CLCN3: variants seen among roughly 807,000 people sequenced by gnomAD.
CLCN3 encodes the protein Cl-/H+ antiporter 3.
A neutral mutation model predicts 83.4 loss-of-function variants in CLCN3; 16 were observed. The ratio of observed to expected loss-of-function variants is 0.19; its 90% confidence interval spans 0.13 to 0.29. CLCN3 has a LOEUF of 0.29. Ranked by LOEUF, CLCN3 falls within the 10% of genes least tolerant of loss-of-function variation. The pLI, the probability that CLCN3 is intolerant of heterozygous loss-of-function variation, is 1.00. For missense variants in CLCN3, 544 were observed against 1,006.0 expected (o/e 0.54, Z 6.21); for synonymous variants, 322 against 346.2 (o/e 0.93, Z 0.78).
At chr4:169,623,441 A>G (rs1046138060) in intron 1 of CLCN3, among the ~76,000 whole-genome samples, 5 of 152,164 alleles carry the variant, frequency 3.3e-5, no homozygotes, top group Admixed American at 6.5e-5. Context: ...GTTTTGATAA[A>G]TGTATATTTT....
chr4:169,663,531 A>G (rs1320173112), intron 2 of CLCN3: 4 of 280,176 alleles, frequency 1.4e-5, no homozygotes, highest in Non-Finnish European at 2.1e-5. Context: ...TTTTAGGGAG[A>G]GTCTCACTAT....
intron 12 of CLCN3, among the ~76,000 whole-genome samples, chr4:169,717,197 C>G (rs1018494147): frequency 6.6e-6 from 1 of 152,266 alleles, no homozygotes; most frequent in East Asian, 1.9e-4. Flanking sequence ...ATTTTATTAG[C>G]TTACTTTAAG....
chr4:169,654,397 C>T (rs1233694083), intron 2 of CLCN3, among the ~76,000 whole-genome samples: 1 of 151,822 alleles, frequency 6.6e-6, no homozygotes, highest in East Asian at 1.9e-4. Flanking sequence ...TTTTCTGTTT[C>T]ATTAATTTCT....
intron 9 of CLCN3, among the ~76,000 whole-genome samples, chr4:169,702,366 A>T (rs563299013): frequency 5.9e-5 from 9 of 152,336 alleles, no homozygotes; most frequent in African/African-American, 1.9e-4. Flanking sequence ...CTTTAAAACA[A>T]CATGAATCTC....
At chr4:169,660,382 TC>T in intron 2 of CLCN3, 1 of 1,416,878 alleles carries the variant, frequency 7.1e-7, no homozygotes, top group Non-Finnish European at 9.1e-7. Context: ...GGATGCTTCT[TC>T]CGACCCTTAT....
chr4:169,649,314 T>C (rs1019646115), intron 2 of CLCN3, among the ~76,000 whole-genome samples: 2 of 152,204 alleles, frequency 1.3e-5, no homozygotes, highest in African/African-American at 4.8e-5. Flanking sequence ...GTAAAGTTTT[T>C]GGTACTTTTC....
At chr4:169,629,180 TATCTTGACTG>T (rs1773305721) in intron 1 of CLCN3, among the ~76,000 whole-genome samples, 1 of 47,248 alleles carries the variant, frequency 2.1e-5, no homozygotes, top group Non-Finnish European at 6.3e-5. Flanking sequence ...GAATATTCTG[TATCTTGACTG>T]TATCAATGTC....
intron 2 of CLCN3, among the ~76,000 whole-genome samples, chr4:169,668,042 C>CGT (rs780656327): frequency 2.1e-5 from 2 of 93,634 alleles, no homozygotes; most frequent in Admixed American, 1.2e-4. Context: ...CCCGGCCAGA[C>CGT]ATTTTTTTTT....
At chr4:169,644,522 G>A (rs1397594098) in intron 2 of CLCN3, among the ~76,000 whole-genome samples, 2 of 152,092 alleles carry the variant, frequency 1.3e-5, no homozygotes, top group African/African-American at 2.4e-5. Flanking sequence ...GATTACAGGC[G>A]TGAGCCACCG....
At chr4:169,659,513 C>A (rs1487530243) in intron 2 of CLCN3, among the ~76,000 whole-genome samples, 1 of 152,000 alleles carries the variant, frequency 6.6e-6, no homozygotes, top group African/African-American at 2.4e-5. Context: ...CTCTTTTTTG[C>A]GTAGTTTAGA....
chr4:169,641,302 A>T (rs1265892744), intron 2 of CLCN3, among the ~76,000 whole-genome samples: 1 of 152,180 alleles, frequency 6.6e-6, no homozygotes, highest in African/African-American at 2.4e-5. Context: ...ACTAAAATGC[A>T]AATGTGAGGT....
chr4:169,660,150 A>AT, intron 2 of CLCN3: 1 of 1,122,658 alleles, frequency 8.9e-7, no homozygotes, highest in Non-Finnish European at 1.1e-6. Context: ...GCCTTGCTAG[A>AT]TTGTAGCCAC....
At chr4:169,639,216 A>G (rs2150204858) in intron 2 of CLCN3, among the ~76,000 whole-genome samples, 1 of 152,238 alleles carries the variant, frequency 6.6e-6, no homozygotes, top group East Asian at 1.9e-4. Flanking sequence ...ATTTTTTGTA[A>G]CAATGGGGTC....
At chr4:169,699,064 C>A (rs991860519) in intron 9 of CLCN3, among the ~76,000 whole-genome samples, 3 of 152,158 alleles carry the variant, frequency 2.0e-5, no homozygotes, top group African/African-American at 7.2e-5. Flanking sequence ...TCGAAACTTT[C>A]TTTCTGCCAC....
chr4:169,647,369 G>A (rs376348372), intron 2 of CLCN3, among the ~76,000 whole-genome samples: 1 of 152,100 alleles, frequency 6.6e-6, no homozygotes, highest in East Asian at 1.9e-4. Context: ...CAGCCTGGGT[G>A]ACAGAGCAAG....
intron 12 of CLCN3, chr4:169,717,667 T>C (rs1438822977): frequency 5.7e-6 from 3 of 527,438 alleles, no homozygotes; most frequent in Non-Finnish European, 9.9e-6. Flanking sequence ...TTTTATTTTC[T>C]AAAGTTCATG....
At position 169,695,639 on chromosome 4, in the gene CLCN3, G is replaced by A. The variant is rs759279829; in HGVS notation, c.964G>A (p.Val322Ile). 6.2e-7 allele frequency: 1 copy of A among 1,613,592 alleles called. No homozygotes were observed. The highest frequency in any genetic ancestry group is 2.2e-5 in the East Asian group (1 of 44,818). The change falls in exon 8 of 13, where the codon GTT becomes ATT. Residue 322 changes from valine (V) to isoleucine (I), a missense_variant. Val to Ile is a conservative substitution (Grantham distance 29). Around this residue, in one of 6 missense-constraint regions of CLCN3, gnomAD observed 194 missense variants for 341.4 expected, o/e 0.57. Transcript: ENST00000513761. ...EVLSAASAAG[V>I]SVAFGAPIGG... The stretch of plus-strand genomic sequence containing the variant: ...GCTATCAGCTGCCTCAGCTGCAGGG[G>A]TTTCTGTAGCTTTTGGTGCACCAAT...
intron 2 of CLCN3, among the ~76,000 whole-genome samples, chr4:169,648,807 A>G (rs1038550177): frequency 1.3e-5 from 2 of 152,144 alleles, no homozygotes; most frequent in Admixed American, 6.5e-5. Context: ...TAGATGGATC[A>G]CTTAAAGCCA....
intron 1 of CLCN3, among the ~76,000 whole-genome samples, chr4:169,623,465 A>G (rs1242005236): frequency 1.3e-5 from 2 of 152,234 alleles, no homozygotes; most frequent in East Asian, 3.8e-4. Context: ...GAAAGGTTAA[A>G]TCAAGCAAAT....
Sources: allele counts gnomAD v4.1 joint callset (sites outside exome capture counted in the v4.1 genomes callset), GRCh38; gene constraint gnomAD v4.1.1; regional missense constraint gnomAD v4.1.1; transcripts MANE v1.5; gene names NCBI Gene and HGNC (gene_info 2026-07-23, HGNC 2026-07-21).